The following FYCO1 variants were observed in gnomAD, a reference collection of about 807,000 sequenced individuals.
FYCO1 encodes FYVE and coiled-coil domain-containing protein 1.
A neutral mutation model predicts 165.1 loss-of-function variants in FYCO1; 122 were observed. The observed-to-expected ratio is 0.74, with a 90% CI of 0.64 to 0.86. FYCO1 has a LOEUF of 0.86. FYCO1 is among the 40% of genes least tolerant of loss of function. The probability of loss-of-function intolerance (pLI) is 0.00; values close to 1 mark genes in which losing one functional copy is unlikely to be tolerated. For synonymous variants in FYCO1, 648 were observed against 742.5 expected (o/e 0.87, Z 2.07); for missense variants, 1,702 against 1,810.3 (o/e 0.94, Z 1.09).
At chr3:45,924,555 G>C (rs570474502) in intron 16 of FYCO1, among the ~76,000 whole-genome samples, 1 of 152,262 alleles carries the variant, frequency 6.6e-6, no homozygotes, top group Admixed American at 6.5e-5. Flanking sequence ...CTAAGACACA[G>C]GCCTCATTTT....
chr3:45,969,842 C>G lies in FYCO1; in HGVS notation c.540-77G>C, dbSNP rs778005588. On this transcript the variant is annotated intron_variant, in intron 6 of 17. Coordinates refer to ENST00000296137, the MANE Select transcript of FYCO1 (RefSeq NM_024513.4). The stretch of plus-strand genomic sequence containing the variant: ...CATGGAGGCCTTGCTGGTCACTAGG[C>G]AACCAGGTGGTGGTAGGGGGCTGCC... 5.0e-4 allele frequency: 612 copies of G among 1,233,976 alleles called. 1 individual carries two copies. The highest frequency in any genetic ancestry group is 6.5e-4 in the Non-Finnish European group (555 of 859,056). 76.4% of individuals were successfully genotyped at this position (1,233,976 alleles called of 1,614,324 possible).
At chr3:45,936,656 T>TTG in intron 14 of FYCO1, 113 bp from the exon 15 acceptor site, 2 of 784,452 alleles carry the variant, frequency 2.5e-6, no homozygotes, top group Non-Finnish European at 4.6e-6. Context: ...GCATGGGGGA[T>TTG]CCTTTAATCA....
intron 6 of FYCO1, among the ~76,000 whole-genome samples, chr3:45,972,137 T>C (rs1429749378): frequency 6.6e-6 from 1 of 152,154 alleles, no homozygotes; most frequent in Non-Finnish European, 1.5e-5. Flanking sequence ...AATTCTGAAA[T>C]TATTTCAAAA....
In FYCO1 at chr3:45,978,696, C is replaced by G. The variant is rs182439912; in HGVS notation, c.288+1009G>C. Among the ~76,000 whole-genome samples the G allele has an allele frequency of 1.8e-3, 281 of 152,280 alleles. 1 individual carries two copies. The highest frequency in any genetic ancestry group is 6.8e-3 in the Middle Eastern group (2 of 294). On this transcript the variant is annotated intron_variant, in intron 4 of 17. Coordinates refer to ENST00000296137, the MANE Select transcript of FYCO1 (RefSeq NM_024513.4). ...AATGTACAAACCTCCTGTCTCAAAT[C>G]AAGGGGTTTACCTGCTCCCTGATAT...
chr3:45,930,841 G>A (rs899606278), intron 16 of FYCO1, among the ~76,000 whole-genome samples: 2 of 148,946 alleles, frequency 1.3e-5, no homozygotes, highest in South Asian at 4.1e-4. Context: ...TTTCACACAG[G>A]TGTGACCTTC....
In FYCO1 at chr3:45,918,074, T is replaced by G. The variant is rs1322082910; in HGVS notation, c.*3691A>C. ...TGCTTCTAGATAATTCTTTGGCAGATAAGAATGAATTGGGGTCCCAGACCC... is the reference window on the plus strand; with the variant it reads ...TGCTTCTAGATAATTCTTTGGCAGAGAAGAATGAATTGGGGTCCCAGACCC... On this transcript the variant is annotated 3_prime_UTR_variant, in exon 18 of 18. Coordinates refer to ENST00000296137, the MANE Select transcript of FYCO1 (RefSeq NM_024513.4). 2.0e-5 allele frequency: 3 copies of G among 152,716 alleles called. No individual in the cohort carries two copies. In the East Asian group the frequency reaches 5.8e-4, roughly 29 times the overall value. 9.5% of individuals were successfully genotyped at this position (152,716 alleles called of 1,614,324 possible).
intron 1 of FYCO1, among the ~76,000 whole-genome samples, chr3:45,985,762 A>G (rs1707284086): frequency 6.6e-6 from 1 of 152,224 alleles, no homozygotes. Context: ...TATCAGCCCT[A>G]CATGGGCAGC....
rs1707255829 is a variant in FYCO1, at chr3:45,985,290, C to T, written c.-112-268G>A. On this transcript the variant is annotated intron_variant, in intron 1 of 17. Transcript: ENST00000296137. The stretch of plus-strand genomic sequence containing the variant: ...CAGCCTATCTTTTTGAGCTCACTTT[C>T]CATTCACCTTAGATAGGACTGCCTT... Among the ~76,000 whole-genome samples, 2 of 152,160 alleles carry T rather than the reference C, an allele frequency of 1.3e-5. 1 individual carries two copies. The highest frequency in any genetic ancestry group is 4.2e-4 in the South Asian group (2 of 4,818).
intron 14 of FYCO1, among the ~76,000 whole-genome samples, chr3:45,954,306 T>C (rs970233395): frequency 2.0e-5 from 3 of 152,146 alleles, no homozygotes; most frequent in Non-Finnish European, 4.4e-5. Flanking sequence ...CTTCTTCCAG[T>C]GTGGTCCAGG....
intron 1 of FYCO1, among the ~76,000 whole-genome samples, chr3:45,991,662 G>A (rs1400929278): frequency 3.7e-5 from 5 of 135,322 alleles, no homozygotes; most frequent in Admixed American, 7.1e-5. Flanking sequence ...ACCACAGTTC[G>A]GTTCCCGAGG....
At chr3:45,979,402 C>T (rs1048319985) in intron 4 of FYCO1, among the ~76,000 whole-genome samples, 2 of 152,208 alleles carry the variant, frequency 1.3e-5, no homozygotes, top group African/African-American at 4.8e-5. Context: ...CTTTACATCT[C>T]AAGGGCTGCC....
chr3:45,955,542 T>C, intron 13 of FYCO1, 149 bp from the exon 14 acceptor site: 1 of 911,366 alleles, frequency 1.1e-6, no homozygotes, highest in Non-Finnish European at 1.8e-6. Context: ...TGACAGCTAT[T>C]CTGTCCAGAG....
chr3:45,938,493 T>C (rs1704023885), intron 14 of FYCO1, among the ~76,000 whole-genome samples: 1 of 152,216 alleles, frequency 6.6e-6, no homozygotes, highest in South Asian at 2.1e-4. Context: ...TGGGGTTTTT[T>C]GTTGTTGTTG....
intron 14 of FYCO1, among the ~76,000 whole-genome samples, chr3:45,939,326 C>A (rs996552498): frequency 1.3e-5 from 2 of 152,186 alleles, no homozygotes; most frequent in Non-Finnish European, 2.9e-5. Flanking sequence ...GGAGGACATA[C>A]CCAAGGCTCC....
At position 45,968,642 on chromosome 3, in the gene FYCO1, C is replaced by G; in HGVS notation, c.692G>C (p.Gly231Ala). 1.2e-6 allele frequency: 2 copies of G among 1,614,168 alleles called. No homozygotes were observed. The highest frequency in any genetic ancestry group is 1.7e-6 in the Non-Finnish European group (2 of 1,180,040). Reference sequence around the variant, plus strand: ...CAGCTCTAGTCGCATCTCATCAAAGCCCTCCAATGCCTCGTTGTTTAGGGG... The same window carrying G: ...CAGCTCTAGTCGCATCTCATCAAAGGCCTCCAATGCCTCGTTGTTTAGGGG... ...NSPLNNEALE[G>A]FDEMRLELDQ... The change falls in exon 8 of 18, where the codon GGC (glycine) becomes GCC (alanine). Residue 231 changes from glycine to alanine, a missense_variant. Gly to Ala is a moderately conservative substitution (Grantham distance 60). Coordinates refer to ENST00000296137, the MANE Select transcript of FYCO1 (RefSeq NM_024513.4).
chr3:45,968,377 C>T lies in FYCO1; in HGVS notation c.957G>A (p.Leu319=). The T allele has an allele frequency of 6.2e-7, 1 of 1,613,626 alleles. No homozygotes were observed. The highest frequency in any genetic ancestry group is 1.1e-5 in the South Asian group (1 of 91,076). Residue 319 remains leucine (L), a synonymous_variant, in exon 8 of 18, where the codon CTG becomes CTA. Coordinates refer to ENST00000296137, the MANE Select transcript of FYCO1 (RefSeq NM_024513.4). The part of the protein sequence containing the change: ...QNTVKELQTC[L]QGLELGAAEK... ...CTGCTGCTCCTAGCTCCAGGCCCTG[C>T]AGGCATGTCTGCAGCTCCTTCACAG... is the stretch of plus-strand genomic sequence containing the variant.
intron 1 of FYCO1, among the ~76,000 whole-genome samples, chr3:45,988,901 G>T (rs1203345375): frequency 6.6e-6 from 1 of 152,130 alleles, no homozygotes; most frequent in Non-Finnish European, 1.5e-5. Context: ...TACCTGCCCA[G>T]ATGCCCTAAA....
In FYCO1 at chr3:45,969,723, G is replaced by A; in HGVS notation, c.582C>T (p.Pro194=). 1.2e-6 allele frequency: 2 copies of A among 1,614,088 alleles called. No homozygotes were observed. The highest frequency in any genetic ancestry group is 1.7e-6 in the Non-Finnish European group (2 of 1,180,026). ...TTGSSAYLWK[P]PSRSSSMSSL... ...TGCTCATGCTGGAGCTGCGGCTAGGGGGTTTCCACAGGTAAGCAGAAGAGC... is the reference window on the plus strand; with the variant it reads ...TGCTCATGCTGGAGCTGCGGCTAGGAGGTTTCCACAGGTAAGCAGAAGAGC... Residue 194 remains proline (P), a synonymous_variant, in exon 7 of 18, where the codon CCC becomes CCT. Coordinates refer to ENST00000296137, the MANE Select transcript of FYCO1 (RefSeq NM_024513.4).
intron 14 of FYCO1, among the ~76,000 whole-genome samples, chr3:45,942,074 T>C (rs1399591304): frequency 5.3e-5 from 8 of 152,240 alleles, no homozygotes; most frequent in Admixed American, 3.9e-4. Context: ...CTCACTCATT[T>C]GTACCAGTTT....
Sources: allele counts gnomAD v4.1 joint callset (sites outside exome capture counted in the v4.1 genomes callset), GRCh38; gene constraint gnomAD v4.1.1; transcripts MANE v1.5; gene names NCBI Gene and HGNC (gene_info 2026-07-23, HGNC 2026-07-21).